Variants in SIAE observed in about 807,000 individuals in gnomAD.
The protein encoded by SIAE is sialate O-acetylesterase.
Under a neutral mutation model 52.6 loss-of-function variants are expected in SIAE, and 39 were observed. That is an observed-to-expected ratio of 0.74 (90% CI 0.57 to 0.97). The LOEUF is 0.97. Ranked by LOEUF, SIAE falls within the 50% of genes least tolerant of loss-of-function variation. The pLI, the probability that SIAE is intolerant of heterozygous loss-of-function variation, is 0.00. For synonymous variants in SIAE, 233 were observed against 241.4 expected, an observed-to-expected ratio of 0.97 and a Z score of 0.32; for missense variants, 592 against 662.1, an observed-to-expected ratio of 0.89 and a Z score of 1.16.
At position 124,660,816 on chromosome 11, in the gene SIAE, C is replaced by A. The variant is rs1223229845; in HGVS notation, c.230-13G>T. On this transcript the variant is annotated splice_polypyrimidine_tract_variant and intron_variant, in intron 2 of 9. Transcript: ENST00000263593. The stretch of plus-strand genomic sequence containing the variant: ...GTATCAGAGTGAGCTGAAATAGTAA[C>A]AGGACTCCAAGGAATTAATCAATCA... 6.2e-7 allele frequency: 1 copy of A among 1,613,952 alleles called. No individual in the cohort carries two copies. Among genetic ancestry groups the A allele is most frequent in the East Asian group, 2.2e-5 (1 of 44,880 alleles).
chr11:124,664,034 G>A (rs112597062), intron 2 of SIAE, among the ~76,000 whole-genome samples: 3 of 152,156 alleles, frequency 2.0e-5, no homozygotes, highest in Admixed American at 6.5e-5. Flanking sequence ...CTGCTTCCTC[G>A]CATTTTTTCT....
At chr11:124,655,053 G>A (rs925009864) in intron 3 of SIAE, among the ~76,000 whole-genome samples, 1 of 152,118 alleles carries the variant, frequency 6.6e-6, no homozygotes, top group Admixed American at 6.5e-5. Flanking sequence ...AAGAGGAGCC[G>A]TGAAGTAGCT....
At chr11:124,661,201 A>G (rs934682369) in intron 2 of SIAE, among the ~76,000 whole-genome samples, 1 of 152,184 alleles carries the variant, frequency 6.6e-6, no homozygotes, top group South Asian at 2.1e-4. Context: ...CAATTACTCA[A>G]TTGAATGTGA....
In SIAE at chr11:124,660,789, A is replaced by C; in HGVS notation, c.244T>G (p.Trp82Gly). The change falls in exon 3 of 10, where the codon TGG becomes GGG. Residue 82 changes from tryptophan (W) to glycine (G), a missense_variant. Coordinates refer to ENST00000263593, the MANE Select transcript of SIAE (RefSeq NM_170601.5). The part of the protein sequence containing the change: ...VTSVKAHSDT[W>G]MVVLDPMKPG... Reference sequence around the variant, plus strand: ...TTCATAGGATCCAGTACCACCATCCACGTATCAGAGTGAGCTGAAATAGTA... The same window carrying C: ...TTCATAGGATCCAGTACCACCATCCCCGTATCAGAGTGAGCTGAAATAGTA... 1.9e-6 allele frequency: 3 copies of C among 1,614,204 alleles called. No individual in the cohort carries two copies. The highest frequency in any genetic ancestry group is 2.5e-6 in the Non-Finnish European group (3 of 1,180,016).
chr11:124,664,163 G>T (rs1162953650), intron 2 of SIAE, among the ~76,000 whole-genome samples: 2 of 152,042 alleles, frequency 1.3e-5, no homozygotes, highest in East Asian at 3.9e-4. Context: ...GGGTTACACT[G>T]ACAAGAGAGC....
Position 124,670,930 on chromosome 11 carries a change from G to T in SIAE, c.68-1409C>A, listed in dbSNP as rs1943344535. Among the ~76,000 whole-genome samples, 1 of 152,218 alleles carries T rather than the reference G, an allele frequency of 6.6e-6. No homozygotes were observed. On this transcript the variant is annotated intron_variant, in intron 1 of 9. Transcript: ENST00000263593. This position sits in a 1 kb window ranked among gnomAD's most constrained non-coding sequence, Gnocchi z 4.5. The stretch of plus-strand genomic sequence containing the variant: ...CTGGAGGGAAGGGGGAGGCACATGT[G>T]TGGGAGGGCCTTGTCTTGGGTAGGT...
intron 1 of SIAE, among the ~76,000 whole-genome samples, chr11:124,671,603 A>G (rs1419109497): frequency 2.0e-5 from 3 of 152,196 alleles, no homozygotes; most frequent in Admixed American, 6.5e-5. Context: ...CATATTCCTC[A>G]TCTTTGTAAA....
chr11:124,638,660 T>C lies in SIAE; in HGVS notation c.1202A>G (p.Asn401Ser). 1 of 1,614,126 alleles carries C rather than the reference T, an allele frequency of 6.2e-7. No individual in the cohort carries two copies. The highest frequency in any genetic ancestry group is 8.5e-7 in the Non-Finnish European group (1 of 1,180,028). Residue 401 changes from asparagine to serine, a missense_variant, in exon 9 of 10, where the codon AAT (asparagine) becomes AGT (serine). By Grantham distance (46) the Asn-to-Ser change is conservative (BLOSUM62 1). Coordinates refer to ENST00000263593, the MANE Select transcript of SIAE (RefSeq NM_170601.5). Reference protein sequence around the residue: ...GARALAYGEKNLTFEGPLPEK... With the variant: ...GARALAYGEKSLTFEGPLPEK... ...AGGCAGTGGTCCTTCAAAGGTCAAA[T>C]TCTTCTCACCATAAGCCAGAGCACG...
At chr11:124,654,286 A>G (rs1943061721) in intron 4 of SIAE, 2 of 985,368 alleles carry the variant, frequency 2.0e-6, no homozygotes, top group South Asian at 4.7e-5. Context: ...AGGAGAACCC[A>G]AATCAGAGTT....
At chr11:124,674,367 A>T (rs1243405439), upstream of SIAE, 1 of 152,254 alleles carries the variant, frequency 6.6e-6, no homozygotes, top group Non-Finnish European at 1.5e-5. Context: ...AAGAAAAAAA[A>T]AGCGATGAAA....
At position 124,660,761 on chromosome 11, in the gene SIAE, G is replaced by C. The variant is rs369115607; in HGVS notation, c.272C>G (p.Pro91Arg). The C allele has an allele frequency of 8.7e-6, 14 of 1,614,052 alleles. No homozygotes were observed. Among genetic ancestry groups the C allele is most frequent in the Non-Finnish European group, 1.2e-5 (14 of 1,180,056 alleles). ...TGCCATCACTTCGAAAGGTCCTCCA[G>C]GCTTCATAGGATCCAGTACCACCAT... ...TWMVVLDPMK[P>R]GGPFEVMAQQ... Residue 91 changes from proline to arginine, a missense_variant, in exon 3 of 10, where the codon CCT becomes CGT. Coordinates refer to ENST00000263593, the MANE Select transcript of SIAE (RefSeq NM_170601.5).
intron 7 of SIAE, among the ~76,000 whole-genome samples, chr11:124,641,694 C>T (rs1048961893): frequency 2.0e-5 from 3 of 152,114 alleles, no homozygotes; most frequent in Non-Finnish European, 4.4e-5. Flanking sequence ...CATGGTGGCT[C>T]ACGCTTATAA....
Position 124,635,111 on chromosome 11 carries a change from T to G in SIAE, c.*1840A>C, listed in dbSNP as rs530471634. The G allele has an allele frequency of 6.6e-6, 1 of 152,342 alleles. No individual in the cohort carries two copies. The highest frequency in any genetic ancestry group is 1.5e-5 in the Non-Finnish European group (1 of 68,038). The allele number at this position is 152,342 out of a possible 1,614,324, so 9.4% of individuals were successfully genotyped here. ...TCCTGGAGGTGAAAGGAATCTGGACTTAGAGTTCTTGGCTACCTCTGGCTG... is the reference window on the plus strand; with the variant it reads ...TCCTGGAGGTGAAAGGAATCTGGACGTAGAGTTCTTGGCTACCTCTGGCTG... On this transcript the variant is annotated 3_prime_UTR_variant, in exon 10 of 10. Coordinates refer to ENST00000263593, the MANE Select transcript of SIAE (RefSeq NM_170601.5).
intron 4 of SIAE, among the ~76,000 whole-genome samples, chr11:124,650,963 G>A (rs928769940): frequency 6.6e-6 from 1 of 152,076 alleles, no homozygotes; most frequent in South Asian, 2.1e-4. Context: ...ACCAACAGAG[G>A]CAAGAGTGAG....
intron 2 of SIAE, among the ~76,000 whole-genome samples, chr11:124,666,949 C>T (rs1591396226): frequency 6.6e-6 from 1 of 152,282 alleles, no homozygotes; most frequent in East Asian, 1.9e-4. Context: ...CATCTCTGCC[C>T]ACCTCAAATA....
chr11:124,635,285 G>T lies in SIAE; in HGVS notation c.*1666C>A, dbSNP rs917685623. 1 of 152,230 alleles carries T rather than the reference G, an allele frequency of 6.6e-6. No homozygotes were observed. The highest frequency in any genetic ancestry group is 1.5e-5 in the Non-Finnish European group (1 of 68,044). 9.4% of individuals were successfully genotyped at this position (152,230 alleles called of 1,614,324 possible). On this transcript the variant is annotated 3_prime_UTR_variant, in exon 10 of 10. Transcript: ENST00000263593. ...TGAGAGGTCAAAGCATGGGCAATAGGGGTTAACTGAACGAGTTGAATGCTA... is the reference window on the plus strand; with the variant it reads ...TGAGAGGTCAAAGCATGGGCAATAGTGGTTAACTGAACGAGTTGAATGCTA...
At chr11:124,668,613 T>C (rs1238780142) in intron 2 of SIAE, among the ~76,000 whole-genome samples, 1 of 152,252 alleles carries the variant, frequency 6.6e-6, no homozygotes, top group Non-Finnish European at 1.5e-5. Context: ...ATTCTCACAG[T>C]AATCCTGTAG....
intron 2 of SIAE, among the ~76,000 whole-genome samples, chr11:124,667,707 C>T (rs1035989624): frequency 6.6e-6 from 1 of 152,210 alleles, no homozygotes; most frequent in Non-Finnish European, 1.5e-5. Context: ...CGCACCTCCA[C>T]ATCACACAGC....
At chr11:124,643,253 G>T (rs1942876967) in intron 7 of SIAE, among the ~76,000 whole-genome samples, 1 of 152,172 alleles carries the variant, frequency 6.6e-6, no homozygotes, top group African/African-American at 2.4e-5. Flanking sequence ...AGCCAGTGTG[G>T]CTGGAGTGGC....
Sources: allele counts gnomAD v4.1 joint callset (sites outside exome capture counted in the v4.1 genomes callset), GRCh38; gene constraint gnomAD v4.1.1; non-coding constraint Gnocchi (gnomAD v3.1); transcripts MANE v1.5; gene names NCBI Gene and HGNC (gene_info 2026-07-23, HGNC 2026-07-21).